The following PARN variants were observed in gnomAD, a reference collection of about 807,000 sequenced individuals.
PARN encodes poly(A)-specific ribonuclease PARN.
Under a neutral mutation model 102.8 loss-of-function variants are expected in PARN, and 71 were observed. The observed-to-expected ratio is 0.69, with a 90% CI of 0.57 to 0.84. PARN has a LOEUF of 0.84. PARN is among the 40% of genes least tolerant of loss of function. The pLI, the probability that PARN is intolerant of heterozygous loss-of-function variation, is 0.00. For synonymous variants in PARN, 261 were observed against 252.9 expected, an observed-to-expected ratio of 1.03 and a Z score of -0.30; for missense variants, 782 against 760.9, an observed-to-expected ratio of 1.03 and a Z score of -0.33.
At chr16:14,608,126 G>C (rs1413204659) in intron 9 of PARN, 155 bp downstream of exon 9, 7 of 642,676 alleles carry the variant, frequency 1.1e-5, no homozygotes, top group Admixed American at 6.6e-5. Context: ...AGAAAATTAA[G>C]TGAGTATTCA....
intron 21 of PARN, among the ~76,000 whole-genome samples, chr16:14,546,177 G>T (rs1269418633): frequency 6.6e-6 from 1 of 152,212 alleles, no homozygotes; most frequent in Admixed American, 6.5e-5. Flanking sequence ...CACAGGTAAA[G>T]TTCAAAGTTA....
chr16:14,556,675 G>A (rs949821274), intron 18 of PARN, among the ~76,000 whole-genome samples: 5 of 152,166 alleles, frequency 3.3e-5, no homozygotes, highest in African/African-American at 1.2e-4. Context: ...GTTAGTCCAA[G>A]TAAACAGAAA....
At chr16:14,528,925 G>A (rs975437719) in intron 21 of PARN, among the ~76,000 whole-genome samples, 1 of 152,030 alleles carries the variant, frequency 6.6e-6, no homozygotes, top group Non-Finnish European at 1.5e-5. Flanking sequence ...TTTTCCTCTA[G>A]GTAGAGATCT....
chr16:14,491,135 G>C (rs1964037551), intron 21 of PARN, among the ~76,000 whole-genome samples: 1 of 151,640 alleles, frequency 6.6e-6, no homozygotes, highest in Non-Finnish European at 1.5e-5. Context: ...AAAATGGGGA[G>C]GCAAGCCCAG....
chr16:14,588,241 T>C (rs1468533169), intron 13 of PARN, among the ~76,000 whole-genome samples: 2 of 152,056 alleles, frequency 1.3e-5, no homozygotes, highest in Admixed American at 1.3e-4. Context: ...AAAGCACCTC[T>C]TAGGGAACAA....
chr16:14,492,144 GT>G (rs1230035240), intron 21 of PARN, among the ~76,000 whole-genome samples: 2 of 152,152 alleles, frequency 1.3e-5, no homozygotes, highest in Non-Finnish European at 2.9e-5. Context: ...GGCTAATTAT[GT>G]TTTTTAAAAA....
chr16:14,516,522 C>A (rs576984472), intron 21 of PARN, among the ~76,000 whole-genome samples: 48 of 152,138 alleles, frequency 3.2e-4, no homozygotes, highest in Non-Finnish European at 5.4e-4. Flanking sequence ...GTCAGATTGC[C>A]ATCACACTTT....
At chr16:14,472,961 A>G (rs1305681694) in intron 22 of PARN, among the ~76,000 whole-genome samples, 1 of 152,244 alleles carries the variant, frequency 6.6e-6, no homozygotes, top group Non-Finnish European at 1.5e-5. Flanking sequence ...TCTTGGGATC[A>G]ACTTATAAAG....
At chr16:14,522,165 C>A (rs910601536) in intron 21 of PARN, among the ~76,000 whole-genome samples, 2 of 152,112 alleles carry the variant, frequency 1.3e-5, no homozygotes, top group Admixed American at 6.5e-5. Flanking sequence ...TAAAAATAGT[C>A]CAGCAGGTAA....
chr16:14,517,942 C>T (rs1198646242), intron 21 of PARN, among the ~76,000 whole-genome samples: 2 of 151,988 alleles, frequency 1.3e-5, no homozygotes, highest in African/African-American at 4.8e-5. Context: ...GCTGAGATTA[C>T]AGGCATGAGC....
At chr16:14,448,250 G>A (rs1432234140) in intron 22 of PARN, among the ~76,000 whole-genome samples, 1 of 152,156 alleles carries the variant, frequency 6.6e-6, no homozygotes, top group Non-Finnish European at 1.5e-5. Flanking sequence ...CCGGGTTCAA[G>A]CGATTCTCCT....
intron 12 of PARN, among the ~76,000 whole-genome samples, chr16:14,594,851 A>C (rs1970407376): frequency 6.6e-6 from 1 of 152,216 alleles, no homozygotes; most frequent in Non-Finnish European, 1.5e-5. Context: ...TCTAACAGAG[A>C]AGCTGTCCTT....
intron 22 of PARN, among the ~76,000 whole-genome samples, chr16:14,447,580 T>C (rs1961258769): frequency 1.3e-5 from 2 of 152,244 alleles, no homozygotes; most frequent in African/African-American, 4.8e-5. Context: ...CCCACCTTCA[T>C]GTAATCTTCT....
Position 14,573,750 on chromosome 16 carries a change from A to G in PARN, c.1262+7124T>C, listed in dbSNP as rs565337110. 1.1e-4 allele frequency among the ~76,000 whole-genome samples: 16 copies of G among 152,276 alleles called. No homozygotes were observed. The South Asian group carries it at 3.1e-3, about 30-fold the overall frequency. On this transcript the variant is annotated intron_variant, in intron 18 of 23. Transcript: ENST00000437198. ...TGAGTCTCACGAGATCTGGTGTTTT[A>G]AAAACGGGAGGTTCCCTGCACAAGC...
intron 21 of PARN, among the ~76,000 whole-genome samples, chr16:14,513,503 T>C (rs1567336914): frequency 6.6e-6 from 1 of 152,188 alleles, no homozygotes; most frequent in African/African-American, 2.4e-5. Context: ...GGTTACCTTA[T>C]GGCTAAGAAC....
chr16:14,571,164 A>G (rs957199195), intron 18 of PARN, among the ~76,000 whole-genome samples: 1 of 152,058 alleles, frequency 6.6e-6, no homozygotes, highest in Admixed American at 6.5e-5. Context: ...TGGGTGGTTC[A>G]CTTGAGGTCA....
chr16:14,519,320 G>A (rs1311204727), intron 21 of PARN, among the ~76,000 whole-genome samples: 1 of 112,722 alleles, frequency 8.9e-6, no homozygotes. Flanking sequence ...GAAGGGGAGG[G>A]GAGGGGACGT....
At chr16:14,444,439 T>C (rs1218483439) in intron 23 of PARN, among the ~76,000 whole-genome samples, 1 of 152,170 alleles carries the variant, frequency 6.6e-6, no homozygotes, top group Non-Finnish European at 1.5e-5. Flanking sequence ...GTATTATAAA[T>C]TCAAAACCCT....
At chr16:14,543,465 T>A (rs183586937) in intron 21 of PARN, among the ~76,000 whole-genome samples, 1 of 152,274 alleles carries the variant, frequency 6.6e-6, no homozygotes, top group African/African-American at 2.4e-5. Context: ...TAAAGTAAAA[T>A]TGTAACACCA....
Sources: allele counts gnomAD v4.1 joint callset (sites outside exome capture counted in the v4.1 genomes callset), GRCh38; gene constraint gnomAD v4.1.1; transcripts MANE v1.5; gene names NCBI Gene and HGNC (gene_info 2026-07-23, HGNC 2026-07-21).